The following QRICH1 variants were observed in gnomAD, a reference collection of about 807,000 sequenced individuals.
QRICH1 encodes the protein glutamine rich 1.
A neutral mutation model predicts 87.1 loss-of-function variants in QRICH1; 16 were observed. That is an observed-to-expected ratio of 0.18 (90% CI 0.12 to 0.28). The LOEUF (loss-of-function observed/expected upper bound fraction) is 0.28, where lower values mean the gene tolerates loss of function less well. QRICH1 is among the 10% of genes least tolerant of loss of function. QRICH1 has a pLI of 1.00. For synonymous variants in QRICH1, 367 were observed against 368.4 expected, an observed-to-expected ratio of 1.00 and a Z score of 0.05; for missense variants, 647 against 951.7, an observed-to-expected ratio of 0.68 and a Z score of 4.21.
At chr3:49,089,782 G>A (rs1045821599) in intron 1 of QRICH1, among the ~76,000 whole-genome samples, 2 of 152,052 alleles carry the variant, frequency 1.3e-5, no homozygotes, top group African/African-American at 4.8e-5. Flanking sequence ...CTAGGTTAAG[G>A]GCTACGGAGA....
chr3:49,076,714 C>T lies in QRICH1; in HGVS notation c.304G>A (p.Val102Ile), dbSNP rs747882752. 6.4e-7 allele frequency: 1 copy of T among 1,566,132 alleles called. No homozygotes were observed. Among genetic ancestry groups the T allele is most frequent in the Non-Finnish European group, 8.7e-7 (1 of 1,151,496 alleles). The change falls in exon 2 of 10, where the codon GTT becomes ATT. Residue 102 changes from valine (V) to isoleucine (I), a missense_variant. Around this residue, in one of 7 missense-constraint regions of QRICH1, gnomAD observed 156 missense variants for 164.5 expected, o/e 0.95. Coordinates refer to ENST00000395443, the MANE Select transcript of QRICH1 (RefSeq NM_198880.3). ...CCTCAGCATTTCCCATATACCTGAA[C>T]CTGCTGCGGCTGCTGAACCTGGATC... ...QQIQVQQPQQVQVQVQVQQSP... is the reference protein window; with the variant it reads ...QQIQVQQPQQIQVQVQVQQSP...
rs796512759 is a variant in QRICH1 at position 49,051,593 on chromosome 3, C to G, written c.1339-4347G>C. Among the ~76,000 whole-genome samples the G allele has an allele frequency of 4.3e-5, 6 of 140,010 alleles. No homozygotes were observed. The East Asian group carries it at 6.7e-4, about 16-fold the overall frequency. 91.9% of individuals were successfully genotyped at this position (140,010 alleles called of 152,430 possible). Reference sequence around the variant, plus strand: ...CTAGAACCCCCCCTGCGCCCCCCCCCCCCTCCGCTTAATATACCTAGTGGG... The same window carrying G: ...CTAGAACCCCCCCTGCGCCCCCCCCGCCCTCCGCTTAATATACCTAGTGGG... On this transcript the variant is annotated intron_variant, in intron 3 of 9. Coordinates refer to ENST00000395443, the MANE Select transcript of QRICH1 (RefSeq NM_198880.3).
chr3:49,031,362 G>T (rs929545108), intron 9 of QRICH1, among the ~76,000 whole-genome samples: 1 of 152,078 alleles, frequency 6.6e-6, no homozygotes, highest in Non-Finnish European at 1.5e-5. Context: ...CCCCTCCCCC[G>T]AACTGTGCTG....
chr3:49,069,171 T>G (rs1455954073), intron 2 of QRICH1, among the ~76,000 whole-genome samples: 1 of 150,054 alleles, frequency 6.7e-6, no homozygotes, highest in Non-Finnish European at 1.5e-5. Flanking sequence ...TGGCGCAATC[T>G]TGGCTCACAG....
In QRICH1 at chr3:49,082,894, C is replaced by CAAA. The variant is rs76269302; in HGVS notation, c.-21-5859_-21-5857dup. Among the ~76,000 whole-genome samples the CAAA allele has an allele frequency of 5.0e-4, 39 of 77,330 alleles. 1 individual carries two copies. Among genetic ancestry groups the CAAA allele is most frequent in the African/African-American group, 1.8e-3 (37 of 20,454 alleles). The allele number at this position is 77,330 out of a possible 152,430, so 50.7% of individuals were successfully genotyped here. A position where few individuals can be genotyped will look rare whatever the true frequency, so the allele number is the denominator to read the frequency against. ...TGGGCGACAGAGCAAGACTGCGTCT[C>CAAA]AAAAAAAAAAAAAAAGAAAAAAAGG... On this transcript the variant is annotated intron_variant, in intron 1 of 9. Transcript: ENST00000395443.
At chr3:49,056,817 CCT>C in intron 3 of QRICH1, 43 bp downstream of exon 3, 6 of 1,613,766 alleles carry the variant, frequency 3.7e-6, no homozygotes, top group Non-Finnish European at 5.1e-6. Context: ...TGCACTGGGC[CCT>C]GAGGGACCAG....
chr3:49,056,182 G>A (rs1295202709), intron 3 of QRICH1, among the ~76,000 whole-genome samples: 2 of 151,794 alleles, frequency 1.3e-5, no homozygotes, highest in African/African-American at 4.8e-5. Context: ...CATCATATTG[G>A]CCAGGCTGGT....
At chr3:49,058,514 C>T (rs1017038083) in intron 2 of QRICH1, among the ~76,000 whole-genome samples, 3 of 152,028 alleles carry the variant, frequency 2.0e-5, no homozygotes, top group Non-Finnish European at 4.4e-5. Flanking sequence ...TTAGTAGAGA[C>T]GAGGTTTCAC....
intron 2 of QRICH1, among the ~76,000 whole-genome samples, chr3:49,074,911 A>G (rs763821376): frequency 9.2e-5 from 14 of 151,386 alleles, no homozygotes; most frequent in Non-Finnish European, 1.6e-4. Context: ...CCTGGGAGGC[A>G]GAGCTTGCAG....
chr3:49,039,618 CAAAAAAAAAAA>C (rs899570014), intron 6 of QRICH1, among the ~76,000 whole-genome samples: 5 of 16,374 alleles, frequency 3.1e-4, no homozygotes, highest in South Asian at 1.5e-3. Context: ...GACTCCATCT[CAAAAAAAAAAA>C]AAAAAAAAAA....
intron 6 of QRICH1, among the ~76,000 whole-genome samples, chr3:49,041,655 G>A (rs1251335383): frequency 1.3e-5 from 2 of 151,654 alleles, no homozygotes; most frequent in Non-Finnish European, 2.9e-5. Context: ...TTCTGAGACG[G>A]AGTCTCACTC....
At chr3:49,064,553 C>T (rs570092259) in intron 2 of QRICH1, among the ~76,000 whole-genome samples, 15 of 151,606 alleles carry the variant, frequency 9.9e-5, no homozygotes, top group African/African-American at 3.4e-4. Flanking sequence ...ACGCCTGGCC[C>T]AAAACTAGGA....
chr3:49,090,152 C>T (rs1484104415), intron 1 of QRICH1, among the ~76,000 whole-genome samples: 1 of 151,336 alleles, frequency 6.6e-6, no homozygotes, highest in Non-Finnish European at 1.5e-5. Flanking sequence ...GTCTCTACTA[C>T]AAATACAAAA....
rs767162239 is a variant in QRICH1 at position 49,030,625 on chromosome 3, G to A, written c.2158C>T (p.Arg720Trp). The part of the protein sequence containing the change: ...LFKCPQSVKG[R>W]NDTFYLTPEP... Reference sequence around the variant, plus strand: ...GGTGTCAGGTAAAAGGTGTCATTCCGGCCTTTCACACTCTGGGGGCTGAAG... The same window carrying A: ...GGTGTCAGGTAAAAGGTGTCATTCCAGCCTTTCACACTCTGGGGGCTGAAG... Residue 720 changes from arginine to tryptophan, a missense_variant, in exon 10 of 10, where the codon CGG (arginine) becomes TGG (tryptophan). Physicochemically the swap from Arg to Trp is moderately radical, Grantham distance 101. Transcript: ENST00000395443. 2 of 1,586,336 alleles carry A rather than the reference G, an allele frequency of 1.3e-6. No individual in the cohort carries two copies. Among genetic ancestry groups the A allele is most frequent in the Non-Finnish European group, 1.7e-6 (2 of 1,165,026 alleles).
intron 1 of QRICH1, among the ~76,000 whole-genome samples, chr3:49,087,605 G>A (rs1462616928): frequency 6.6e-6 from 1 of 151,482 alleles, no homozygotes; most frequent in Non-Finnish European, 1.5e-5. Context: ...GCCAGGTGCA[G>A]TGGCTCATGC....
At chr3:49,076,010 G>A (rs1167962390) in intron 2 of QRICH1, among the ~76,000 whole-genome samples, 1 of 152,118 alleles carries the variant, frequency 6.6e-6, no homozygotes, top group Admixed American at 6.6e-5. Context: ...TTTGGATAAG[G>A]AGGCAGGTGG....
intron 1 of QRICH1, among the ~76,000 whole-genome samples, chr3:49,083,787 G>T (rs1259508852): frequency 6.6e-6 from 1 of 151,796 alleles, no homozygotes; most frequent in Non-Finnish European, 1.5e-5. Flanking sequence ...AAATTAGCCA[G>T]GTGTGGTGCT....
chr3:49,032,457 G>T, intron 8 of QRICH1, 165 bp downstream of exon 8: 1 of 975,104 alleles, frequency 1.0e-6, no homozygotes, highest in Non-Finnish European at 1.5e-6. Context: ...GGGCTTCTCT[G>T]CTTCTAGGAG....
intron 2 of QRICH1, among the ~76,000 whole-genome samples, chr3:49,073,908 C>T (rs983420251): frequency 2.0e-5 from 3 of 151,948 alleles, no homozygotes; most frequent in Non-Finnish European, 4.4e-5. Flanking sequence ...CTCAGCTTCC[C>T]AAATAGCTGG....
Sources: allele counts gnomAD v4.1 joint callset (sites outside exome capture counted in the v4.1 genomes callset), GRCh38; gene constraint gnomAD v4.1.1; regional missense constraint gnomAD v4.1.1; transcripts MANE v1.5; gene names NCBI Gene and HGNC (gene_info 2026-07-23, HGNC 2026-07-21).